The following ATM variants were observed in gnomAD, a reference collection of about 807,000 sequenced individuals.
ATM encodes the protein serine-protein kinase ATM.
ATM carries 308 observed loss-of-function variants against 387.0 expected under a neutral mutation model. The observed-to-expected ratio is 0.80, with a 90% CI of 0.73 to 0.87. The LOEUF (loss-of-function observed/expected upper bound fraction) is 0.87. Among genes scored for constraint, ATM ranks in the 40% least tolerant of loss-of-function variants. ATM has a pLI of 0.00. For missense variants in ATM, 3,312 were observed against 3,560.9 expected, an observed-to-expected ratio of 0.93 and a Z score of 1.78; for synonymous variants, 1,156 against 1,187.3, an observed-to-expected ratio of 0.97 and a Z score of 0.54.
At chr11:108,236,123 A>G (rs1565357964) in intron 5 of ATM, 6 of 429,518 alleles carry the variant, frequency 1.4e-5, no homozygotes, top group Non-Finnish European at 2.2e-5. Flanking sequence ...AAACCCAAGT[A>G]AACCAGAGTT....
At chr11:108,286,584 A>C (rs367616780) in intron 26 of ATM, among the ~76,000 whole-genome samples, 1 of 152,268 alleles carries the variant, frequency 6.6e-6, no homozygotes, top group South Asian at 2.1e-4. Context: ...GAGGGGACCA[A>C]TCAGAGGTAC....
At position 108,277,409 on chromosome 11, in the gene ATM, G is replaced by A. The variant is rs146165143; in HGVS notation, c.3285-2082G>A. On this transcript the variant is annotated intron_variant, in intron 22 of 62. Coordinates refer to ENST00000675843, the MANE Select transcript of ATM (RefSeq NM_000051.4). ...TCGCTGGCGTTCCAGGTGCCACTGG[G>A]GTATGAAAAAACACTCTTGCAGCTA... is the stretch of plus-strand genomic sequence containing the variant. 4.0e-3 allele frequency among the ~76,000 whole-genome samples: 605 copies of A among 152,234 alleles called. 4 individuals carry two copies. Among genetic ancestry groups the A allele is most frequent in the Admixed American group, 7.0e-3 (107 of 15,288 alleles).
intron 61 of ATM, among the ~76,000 whole-genome samples, chr11:108,359,769 C>G (rs1309702264): frequency 1.3e-5 from 2 of 151,952 alleles, no homozygotes; most frequent in African/African-American, 2.4e-5. Context: ...ACACAACGTA[C>G]CAGAATCTCT....
intron 33 of ATM, among the ~76,000 whole-genome samples, chr11:108,298,007 G>T (rs1182380590): frequency 6.6e-6 from 1 of 152,180 alleles, no homozygotes; most frequent in African/African-American, 2.4e-5. Flanking sequence ...CAGGTACTCA[G>T]TGTCTTTTGT....
chr11:108,258,684 T>G (rs1347515802), intron 15 of ATM, among the ~76,000 whole-genome samples: 1 of 152,206 alleles, frequency 6.6e-6, no homozygotes, highest in Non-Finnish European at 1.5e-5. Flanking sequence ...TTGTAATGTG[T>G]TTTTCCTCCT....
chr11:108,288,630 T>TA (rs1205712159), intron 27 of ATM, among the ~76,000 whole-genome samples: 1 of 151,992 alleles, frequency 6.6e-6, no homozygotes, highest in Admixed American at 6.6e-5. Flanking sequence ...TGTCTTAAAG[T>TA]ACTGCTTTTA....
chr11:108,253,206 A>C (rs1293317584), intron 12 of ATM, among the ~76,000 whole-genome samples: 1 of 152,184 alleles, frequency 6.6e-6, no homozygotes, highest in Non-Finnish European at 1.5e-5. Flanking sequence ...ATTTATATGA[A>C]ATAAGTTCTT....
In ATM at chr11:108,299,646, T is replaced by G. The variant is rs3092906; in HGVS notation, c.5006-68T>G. The stretch of plus-strand genomic sequence containing the variant: ...AAAAACAGCATTATAGTTTTGAAAT[T>G]AGAAAATTTCAGTTTTATGTATGAT... On this transcript the variant is annotated intron_variant, in intron 33 of 62. Coordinates refer to ENST00000675843, the MANE Select transcript of ATM (RefSeq NM_000051.4). The G allele has an allele frequency of 0.012, 17,689 of 1,497,626 alleles. 1,496 individuals carry two copies. In the African/African-American group the frequency reaches 0.2, roughly 17 times the overall value. 92.8% of individuals were successfully genotyped at this position (1,497,626 alleles called of 1,614,324 possible). A position where few individuals can be genotyped will look rare whatever the true frequency, so the allele number is the denominator to read the frequency against.
In ATM at chr11:108,365,298, C is replaced by G. The variant is rs781724783; in HGVS notation, c.8988-27C>G. On this transcript the variant is annotated intron_variant, in intron 62 of 62. Coordinates refer to ENST00000675843, the MANE Select transcript of ATM (RefSeq NM_000051.4). ...CAAGGCCTTTAAACTGTTCACCTCACTGAAACCTTTGTGTTTTTGTCCTTA... is the reference window on the plus strand; with the variant it reads ...CAAGGCCTTTAAACTGTTCACCTCAGTGAAACCTTTGTGTTTTTGTCCTTA... 29 of 1,614,064 alleles carry G rather than the reference C, an allele frequency of 1.8e-5. 2 individuals are homozygous for G. In the South Asian group the frequency reaches 2.5e-4, roughly 14 times the overall value.
intron 40 of ATM, among the ~76,000 whole-genome samples, chr11:108,313,507 T>A (rs565981212): frequency 1.3e-5 from 2 of 152,344 alleles, no homozygotes; most frequent in East Asian, 3.9e-4. Context: ...TCATTCTTCC[T>A]TTTCCTTAAT....
chr11:108,275,914 C>T (rs1246567109), intron 22 of ATM, among the ~76,000 whole-genome samples: 3 of 152,108 alleles, frequency 2.0e-5, no homozygotes, highest in South Asian at 2.1e-4. Flanking sequence ...TGGCCTGTCT[C>T]GCTAGATTGG....
At chr11:108,293,078 T>C (rs1283438735) in intron 30 of ATM, among the ~76,000 whole-genome samples, 1 of 152,220 alleles carries the variant, frequency 6.6e-6, no homozygotes, top group African/African-American at 2.4e-5. Context: ...TTATATAAAC[T>C]GTTTCATTAA....
intron 45 of ATM, among the ~76,000 whole-genome samples, chr11:108,322,148 C>CT (rs533024262): frequency 6.6e-6 from 1 of 151,796 alleles, no homozygotes; most frequent in South Asian, 2.1e-4. Flanking sequence ...GTTTTGTTTT[C>CT]TTTTTTTTCT....
intron 13 of ATM, among the ~76,000 whole-genome samples, chr11:108,255,349 T>G (rs2080405388): frequency 6.6e-6 from 1 of 151,456 alleles, no homozygotes; most frequent in African/African-American, 2.4e-5. Context: ...TCCTACCCTG[T>G]AGGAACAAAA....
intron 16 of ATM, among the ~76,000 whole-genome samples, chr11:108,266,685 A>C (rs1223497950): frequency 6.6e-6 from 1 of 152,164 alleles, no homozygotes; most frequent in East Asian, 1.9e-4. Context: ...TTATGTAGAC[A>C]TATTACAGGT....
intron 8 of ATM, 135 bp downstream of exon 8, chr11:108,247,262 C>T (rs2079901477): frequency 1.3e-6 from 1 of 772,402 alleles, no homozygotes; most frequent in Non-Finnish European, 2.1e-6. Context: ...CTATTCCTTT[C>T]AAACTATCAG....
At chr11:108,365,284 A>T (rs766349861) in intron 62 of ATM, 41 bp from the exon 63 acceptor site, 1 of 1,614,042 alleles carries the variant, frequency 6.2e-7, no homozygotes, top group African/African-American at 1.3e-5. Context: ...AAGGCCTTTA[A>T]ACTGTTCACC....
intron 40 of ATM, among the ~76,000 whole-genome samples, chr11:108,315,065 A>G (rs1354762665): frequency 6.6e-6 from 1 of 152,234 alleles, no homozygotes; most frequent in East Asian, 1.9e-4. Context: ...CAAGGCTTAT[A>G]GTATTGCAGT....
chr11:108,359,440 G>A (rs2090438762), intron 61 of ATM, among the ~76,000 whole-genome samples: 1 of 151,984 alleles, frequency 6.6e-6, no homozygotes. Flanking sequence ...TCTGCACCAA[G>A]CGGACCTAAT....
Sources: allele counts gnomAD v4.1 joint callset (sites outside exome capture counted in the v4.1 genomes callset), GRCh38; gene constraint gnomAD v4.1.1; transcripts MANE v1.5; gene names NCBI Gene and HGNC (gene_info 2026-07-23, HGNC 2026-07-21).